TSPAN18: variants seen among roughly 807,000 people sequenced by gnomAD.
The protein encoded by TSPAN18 is tetraspanin-18.
In TSPAN18, 14 loss-of-function variants were observed where a neutral mutation model predicts 27.3. The observed-to-expected ratio is 0.51, with a 90% CI of 0.34 to 0.80. The LOEUF is 0.80. Ranked by LOEUF, TSPAN18 falls within the 30% of genes least tolerant of loss-of-function variation. The probability of loss-of-function intolerance (pLI) is 0.01; values close to 1 mark genes in which losing one functional copy is unlikely to be tolerated. For synonymous variants in TSPAN18, 143 were observed against 136.5 expected (o/e 1.05, Z -0.33); for missense variants, 268 against 323.9 (o/e 0.83, Z 1.32).
chr11:44,740,500 G>A (rs1465824483), intron 1 of TSPAN18, among the ~76,000 whole-genome samples: 2 of 152,214 alleles, frequency 1.3e-5, no homozygotes, highest in African/African-American at 4.8e-5. Context: ...GGCTGGGACT[G>A]GGCCACAGGT....
intron 2 of TSPAN18, among the ~76,000 whole-genome samples, chr11:44,823,976 A>G (rs867223171): frequency 7.9e-5 from 12 of 152,176 alleles, no homozygotes; most frequent in Middle Eastern, 3.2e-3. Flanking sequence ...GTCTCTGGAA[A>G]GAGGTACTAG....
At chr11:44,798,375 CG>C (rs5791647) in intron 2 of TSPAN18, among the ~76,000 whole-genome samples, 89,337 of 152,042 alleles carry the variant, frequency 0.59, 27,854 homozygotes, top group Non-Finnish European at 0.7. Context: ...CAGGGAAAGA[CG>C]GGGAAAGCAA....
At chr11:44,820,825 G>A (rs1856912057) in intron 2 of TSPAN18, among the ~76,000 whole-genome samples, 1 of 152,016 alleles carries the variant, frequency 6.6e-6, no homozygotes, top group Non-Finnish European at 1.5e-5. Context: ...TGCAAGAGCA[G>A]GTGTTTAAAG....
chr11:44,811,689 T>C (rs771766091), intron 2 of TSPAN18, among the ~76,000 whole-genome samples: 2 of 152,162 alleles, frequency 1.3e-5, no homozygotes, highest in African/African-American at 2.4e-5. Context: ...CACGAACTCC[T>C]GACCTCAGGT....
intron 2 of TSPAN18, among the ~76,000 whole-genome samples, chr11:44,767,278 T>G (rs1375135562): frequency 1.3e-5 from 2 of 152,236 alleles, no homozygotes; most frequent in African/African-American, 4.8e-5. Context: ...GGAGTCTTTC[T>G]GTAGATGATT....
At position 44,889,098 on chromosome 11, in the gene TSPAN18, G is replaced by A. The variant is rs559923987; in HGVS notation, c.-10-17309G>A. ...TTGTAAGTTGCCTGAGGCCTCCCTA[G>A]CCATGCCTAACTGTGAGTCTTTTAG... On this transcript the variant is annotated intron_variant, in intron 3 of 9. Coordinates refer to ENST00000520358, the MANE Select transcript of TSPAN18 (RefSeq NM_130783.5). 2.2e-4 allele frequency among the ~76,000 whole-genome samples: 34 copies of A among 152,322 alleles called. 1 individual carries two copies. In the South Asian group the frequency reaches 6.6e-3, roughly 30 times the overall value.
At chr11:44,736,734 AGGACACAT>A (rs1329454835) in intron 1 of TSPAN18, 1 of 152,232 alleles carries the variant, frequency 6.6e-6, no homozygotes, top group Non-Finnish European at 1.5e-5. Context: ...GTGGAGGGTT[AGGACACAT>A]TCTGAACACA....
intron 3 of TSPAN18, among the ~76,000 whole-genome samples, chr11:44,894,491 A>G (rs947866569): frequency 6.6e-6 from 1 of 152,168 alleles, no homozygotes; most frequent in Admixed American, 6.5e-5. Flanking sequence ...TGAAAGTAAA[A>G]GGAGTGATTT....
chr11:44,770,831 G>A (rs186315256), intron 2 of TSPAN18, among the ~76,000 whole-genome samples: 25 of 152,256 alleles, frequency 1.6e-4, no homozygotes, highest in East Asian at 1.5e-3. Context: ...GATAGGACTC[G>A]CTGATAGGAT....
intron 1 of TSPAN18, among the ~76,000 whole-genome samples, chr11:44,756,553 A>G (rs1025324588): frequency 1.3e-5 from 2 of 152,196 alleles, no homozygotes; most frequent in Non-Finnish European, 2.9e-5. Context: ...ATATCCATTA[A>G]GCAATAATTC....
At chr11:44,867,481 C>T (rs1858072605) in intron 3 of TSPAN18, among the ~76,000 whole-genome samples, 1 of 146,932 alleles carries the variant, frequency 6.8e-6, no homozygotes, top group South Asian at 2.2e-4. Flanking sequence ...TCACTGCAAC[C>T]TCCACCTCCC....
intron 8 of TSPAN18, 37 bp from the exon 9 acceptor site, chr11:44,926,637 C>G: frequency 1.3e-6 from 2 of 1,597,074 alleles, no homozygotes; most frequent in Middle Eastern, 1.7e-4. Context: ...GACTCTCAAC[C>G]CTGGCCATAG....
intron 2 of TSPAN18, among the ~76,000 whole-genome samples, chr11:44,843,702 G>A (rs1035088516): frequency 7.2e-5 from 11 of 152,144 alleles, no homozygotes; most frequent in African/African-American, 7.2e-5. Context: ...CCCTAGGTGC[G>A]CATTCTCTTT....
At chr11:44,885,182 C>G (rs994769819) in intron 3 of TSPAN18, among the ~76,000 whole-genome samples, 8 of 152,184 alleles carry the variant, frequency 5.3e-5, no homozygotes, top group Admixed American at 3.9e-4. Context: ...GGCACATCCT[C>G]TCTTGTCCCC....
At chr11:44,738,318 T>C (rs1854846744) in intron 1 of TSPAN18, among the ~76,000 whole-genome samples, 2 of 152,204 alleles carry the variant, frequency 1.3e-5, no homozygotes, top group African/African-American at 4.8e-5. Context: ...CATCCACCAA[T>C]AGAAGAGTTT....
At position 44,834,186 on chromosome 11, in the gene TSPAN18, G is replaced by A. The variant is rs1336130271; in HGVS notation, c.-152-26142G>A. Among the ~76,000 whole-genome samples the A allele has an allele frequency of 6.6e-5, 10 of 151,904 alleles. No individual in the cohort carries two copies. The South Asian group carries it at 8.3e-4, about 13-fold the overall frequency. ...AATGGACCCTCAGGGAGATGGAGGC[G>A]AGGTGGGGGGCTTGGGACACAGAAC... On this transcript the variant is annotated intron_variant, in intron 2 of 9. Transcript: ENST00000520358.
intron 1 of TSPAN18, among the ~76,000 whole-genome samples, chr11:44,728,427 A>C (rs886412876): frequency 3.3e-5 from 5 of 152,066 alleles, no homozygotes; most frequent in Admixed American, 1.3e-4. Context: ...TAAAAGTTGC[A>C]CCTTTGTTTC....
intron 5 of TSPAN18, among the ~76,000 whole-genome samples, chr11:44,916,642 A>G (rs1859921021): frequency 6.6e-6 from 1 of 152,166 alleles, no homozygotes; most frequent in African/African-American, 2.4e-5. Context: ...TGGTTGTCCC[A>G]TGACACACGA....
At chr11:44,805,014 G>A (rs1301310533) in intron 2 of TSPAN18, among the ~76,000 whole-genome samples, 1 of 152,220 alleles carries the variant, frequency 6.6e-6, no homozygotes, top group East Asian at 1.9e-4. Flanking sequence ...CTGGTCGGCT[G>A]TTAGCAGGGC....
Sources: gnomAD v4.1 joint callset for allele counts (sites outside exome capture counted in the v4.1 genomes callset) on GRCh38, gnomAD v4.1.1 for gene constraint, MANE v1.5 for transcripts, NCBI Gene and HGNC (gene_info 2026-07-23, HGNC 2026-07-21) for gene names.